Variants in HMCN1 observed in about 807,000 individuals in gnomAD.
HMCN1 encodes the protein hemicentin 1.
Under a neutral mutation model 625.9 loss-of-function variants are expected in HMCN1, and 321 were observed. That is an observed-to-expected ratio of 0.51 (90% CI 0.47 to 0.56). HMCN1 has a LOEUF of 0.56. HMCN1 is among the 20% of genes least tolerant of loss of function. HMCN1 has a pLI of 0.00. For synonymous variants in HMCN1, 2,425 were observed against 2,417.6 expected (o/e 1.00, Z -0.09); for missense variants, 6,588 against 6,887.3 (o/e 0.96, Z 1.54).
intron 11 of HMCN1, among the ~76,000 whole-genome samples, chr1:185,934,033 A>C (rs1016670272): frequency 6.6e-6 from 1 of 152,206 alleles, no homozygotes; most frequent in East Asian, 1.9e-4. Flanking sequence ...CTTTAATACA[A>C]TCACAGCTAA....
intron 1 of HMCN1, among the ~76,000 whole-genome samples, chr1:185,823,026 T>A (rs556780233): frequency 6.6e-6 from 1 of 152,282 alleles, no homozygotes; most frequent in Admixed American, 6.5e-5. Flanking sequence ...TATCTCACTC[T>A]TTTTTTGTTT....
intron 34 of HMCN1, 40 bp from the exon 35 acceptor site, chr1:186,019,501 G>C: frequency 6.6e-7 from 1 of 1,508,112 alleles, no homozygotes; most frequent in Non-Finnish European, 9.2e-7. Context: ...CGACCTCACT[G>C]ATTATGGTTT....
chr1:185,970,281 A>G, intron 14 of HMCN1, 54 bp from the exon 15 acceptor site: 1 of 1,504,586 alleles, frequency 6.6e-7, no homozygotes, highest in South Asian at 1.1e-5. Context: ...CAATAGCTGC[A>G]TAAACAATTT....
At chr1:185,991,714 A>T (rs530590184) in intron 22 of HMCN1, among the ~76,000 whole-genome samples, 3,754 of 144,550 alleles carry the variant, frequency 0.026, 155 homozygotes, top group African/African-American at 0.098. Flanking sequence ...CTTTTTTTTA[A>T]AAAAAAAAAC....
At chr1:185,851,156 T>C (rs1240252649) in intron 2 of HMCN1, among the ~76,000 whole-genome samples, 1 of 152,162 alleles carries the variant, frequency 6.6e-6, no homozygotes, top group Non-Finnish European at 1.5e-5. Context: ...TATGTATGAT[T>C]TTCAAACCCT....
intron 1 of HMCN1, among the ~76,000 whole-genome samples, chr1:185,812,012 T>C (rs1659551739): frequency 6.6e-6 from 1 of 152,222 alleles, no homozygotes; most frequent in Non-Finnish European, 1.5e-5. Context: ...CCTTTCAACT[T>C]AAGGCAGATC....
intron 15 of HMCN1, among the ~76,000 whole-genome samples, chr1:185,976,375 T>A (rs957042581): frequency 6.6e-6 from 1 of 152,098 alleles, no homozygotes; most frequent in Admixed American, 6.6e-5. Context: ...AGGGAAATAA[T>A]AGGAGATGAG....
intron 16 of HMCN1, among the ~76,000 whole-genome samples, chr1:185,980,258 A>G (rs536415777): frequency 7.9e-5 from 12 of 152,318 alleles, no homozygotes; most frequent in Non-Finnish European, 1.2e-4. Flanking sequence ...TATGAATTCA[A>G]TAGCTCAAAT....
At chr1:185,748,525 G>A (rs767246919) in intron 1 of HMCN1, among the ~76,000 whole-genome samples, 1 of 152,080 alleles carries the variant, frequency 6.6e-6, no homozygotes, top group Non-Finnish European at 1.5e-5. Context: ...GACTTAATTT[G>A]TGCCTTTGAT....
intron 1 of HMCN1, among the ~76,000 whole-genome samples, chr1:185,827,110 T>C (rs1049925806): frequency 1.2e-4 from 17 of 144,904 alleles, no homozygotes; most frequent in African/African-American, 1.5e-4. Context: ...AGGCAGAGCT[T>C]GCAGTGAGCC....
intron 4 of HMCN1, among the ~76,000 whole-genome samples, chr1:185,872,115 C>T (rs1182548736): frequency 6.6e-6 from 1 of 152,176 alleles, no homozygotes; most frequent in Non-Finnish European, 1.5e-5. Context: ...CCACTTATCC[C>T]TTCTTTGAAT....
rs188107197 is a variant in HMCN1 at position 186,000,179 on chromosome 1, A to T, written c.4009A>T (p.Ile1337Phe). ...TACACCCTATGACAATGGGGAGTAC[A>T]TCTGTGTGGCAGTCAATGAAGCTGG... is the stretch of plus-strand genomic sequence containing the variant. ...SVTPYDNGEY[I>F]CVAVNEAGTT... Residue 1337 changes from isoleucine (I) to phenylalanine (F), a missense_variant, in exon 26 of 107, where the codon ATC becomes TTC. Physicochemically the swap from Ile to Phe is conservative, Grantham distance 21. This residue lies in a region of HMCN1 where 4,628 missense variants were observed against 4,853.1 expected (regional missense o/e 0.95). Transcript: ENST00000271588. 2.2e-4 allele frequency: 357 copies of T among 1,613,186 alleles called. 3 individuals are homozygous for T. In the East Asian group the frequency reaches 7.1e-3, roughly 32 times the overall value.
At chr1:186,147,030 G>C (rs539677193) in intron 93 of HMCN1, among the ~76,000 whole-genome samples, 1 of 152,280 alleles carries the variant, frequency 6.6e-6, no homozygotes, top group South Asian at 2.1e-4. Flanking sequence ...TCCCTGCTTA[G>C]GACTAAGGAT....
At chr1:186,119,916 T>C (rs1415354591) in intron 79 of HMCN1, 34 bp downstream of exon 79, 6 of 1,613,950 alleles carry the variant, frequency 3.7e-6, no homozygotes, top group Non-Finnish European at 5.1e-6. Flanking sequence ...AAGAAAATCA[T>C]AGCACATCAG....
intron 17 of HMCN1, 48 bp downstream of exon 17, chr1:185,981,121 A>G (rs770913530): frequency 9.2e-7 from 1 of 1,083,596 alleles, no homozygotes; most frequent in Non-Finnish European, 1.4e-6. Context: ...AAGTCATCAG[A>G]CTTCTTTTAC....
chr1:186,151,505 C>A, intron 94 of HMCN1, 101 bp from the exon 95 acceptor site: 1 of 1,356,584 alleles, frequency 7.4e-7, no homozygotes, highest in Non-Finnish European at 1.0e-6. Flanking sequence ...TTCTGGTATT[C>A]AACATTATTT....
intron 1 of HMCN1, among the ~76,000 whole-genome samples, chr1:185,778,839 A>G (rs1457766100): frequency 2.0e-5 from 3 of 152,180 alleles, no homozygotes; most frequent in Non-Finnish European, 4.4e-5. Flanking sequence ...AGCATGATTT[A>G]TAGTCCTTTG....
chr1:186,061,818 A>T, intron 46 of HMCN1, 33 bp from the exon 47 acceptor site: 2 of 1,461,150 alleles, frequency 1.4e-6, no homozygotes, highest in Admixed American at 1.7e-5. Context: ...TTTTCTTTTT[A>T]AGTTATCTTA....
chr1:186,036,233 C>A lies in HMCN1; in HGVS notation c.5750-1701C>A, dbSNP rs191668349. 2.8e-4 allele frequency among the ~76,000 whole-genome samples: 42 copies of A among 152,176 alleles called. No homozygotes were observed. In the East Asian group the frequency reaches 7.9e-3, roughly 29 times the overall value. ...ATATTTTAATTAAAAATAGTTTTAA[C>A]CCATTGTATTAGTCCATGTTCATGC... On this transcript the variant is annotated intron_variant, in intron 36 of 106. Transcript: ENST00000271588.
Sources: gnomAD v4.1 joint callset for allele counts (sites outside exome capture counted in the v4.1 genomes callset) on GRCh38, gnomAD v4.1.1 for gene constraint, gnomAD v4.1.1 regional missense constraint, MANE v1.5 for transcripts, NCBI Gene and HGNC (gene_info 2026-07-23, HGNC 2026-07-21) for gene names.